The following CSF1R variants were observed in gnomAD, a reference collection of about 807,000 sequenced individuals.
The protein encoded by CSF1R is colony stimulating factor 1 receptor, also known as macrophage colony-stimulating factor 1 receptor.
In CSF1R, 40 loss-of-function variants were observed where a neutral mutation model predicts 110.0. That is an observed-to-expected ratio of 0.36 (90% confidence interval 0.28 to 0.47). The LOEUF is 0.47. Among genes scored for constraint, CSF1R ranks in the 20% least tolerant of loss-of-function variants. The probability of loss-of-function intolerance (pLI) is 0.99; values close to 1 mark genes in which losing one functional copy is unlikely to be tolerated. For missense variants in CSF1R, 1,052 were observed against 1,253.0 expected (o/e 0.84, Z 2.42); for synonymous variants, 523 against 503.4 (o/e 1.04, Z -0.52).
intron 1 of CSF1R, among the ~76,000 whole-genome samples, chr5:150,101,207 A>G (rs554560849): frequency 1.3e-5 from 2 of 152,340 alleles, no homozygotes; most frequent in South Asian, 4.1e-4. Flanking sequence ...GAGGCATTGC[A>G]TGTTTCTCCT....
chr5:150,084,287 T>A (rs1297012900), intron 1 of CSF1R, among the ~76,000 whole-genome samples: 1 of 148,328 alleles, frequency 6.7e-6, no homozygotes, highest in African/African-American at 2.5e-5. Flanking sequence ...CCGAGATCCA[T>A]GCCATTGCAC....
upstream of CSF1R, among the ~76,000 whole-genome samples, chr5:150,088,529 T>TTTTC (rs1359858581): frequency 1.3e-5 from 2 of 151,930 alleles, no homozygotes; most frequent in Non-Finnish European, 2.9e-5. Context: ...CTTTTTTTTT[T>TTTTC]TTTCTTTCTT....
At chr5:150,110,453 G>A (rs910578219) in intron 1 of CSF1R, among the ~76,000 whole-genome samples, 1 of 152,144 alleles carries the variant, frequency 6.6e-6, no homozygotes, top group Non-Finnish European at 1.5e-5. Flanking sequence ...CAAGCATTTT[G>A]CATTTCTGAC....
chr5:150,072,248 C>A (rs566588238), intron 6 of CSF1R, among the ~76,000 whole-genome samples: 1 of 152,176 alleles, frequency 6.6e-6, no homozygotes, highest in Non-Finnish European at 1.5e-5. Context: ...AATCCTAGCA[C>A]CTTGGGAGGC....
chr5:150,058,728 CCTT>C (rs747697751), intron 14 of CSF1R, among the ~76,000 whole-genome samples: 1 of 151,836 alleles, frequency 6.6e-6, no homozygotes, highest in South Asian at 2.1e-4. Context: ...GAGATGGCCT[CCTT>C]CTCTTTTGCC....
At chr5:150,074,245 C>T (rs753331722) in intron 5 of CSF1R, among the ~76,000 whole-genome samples, 2 of 150,976 alleles carry the variant, frequency 1.3e-5, no homozygotes, top group Non-Finnish European at 2.9e-5. Context: ...GAAAAAAATC[C>T]TTTTAATTAG....
intron 1 of CSF1R, among the ~76,000 whole-genome samples, chr5:150,095,763 GA>G (rs57813822): frequency 0.14 from 17,416 of 121,592 alleles, 1,565 homozygotes; most frequent in East Asian, 0.33. Context: ...CATTTACCGA[GA>G]AAAAAAAAAA....
chr5:150,069,168 C>T (rs1757919320), intron 9 of CSF1R, among the ~76,000 whole-genome samples: 1 of 152,210 alleles, frequency 6.6e-6, no homozygotes, highest in Admixed American at 6.5e-5. Flanking sequence ...TGCTCCAAGG[C>T]CAGCAGCTGG....
chr5:150,070,755 C>T (rs887294934), intron 6 of CSF1R, among the ~76,000 whole-genome samples, 184 bp from the exon 7 acceptor site: 2 of 152,242 alleles, frequency 1.3e-5, no homozygotes, highest in African/African-American at 4.8e-5. Context: ...AACCACCAAT[C>T]CCATTTCCTT....
Position 150,061,760 on chromosome 5 carries a change from G to C in CSF1R, c.1716C>G (p.Asn572Lys), listed in dbSNP as rs772750557. The change falls in exon 11 of 21, where the codon AAC becomes AAG. Residue 572 changes from asparagine to lysine, a missense_variant. Around this residue, in one of 5 missense-constraint regions of CSF1R, gnomAD observed 693 missense variants for 735.4 expected, o/e 0.94. Transcript: ENST00000675795. ...TFIDPTQLPY[N>K]EKWEFPRNNL... ...TGTTCCGGGGGAACTCCCACTTCTCGTTGTAAGGCAGCTGCGTGGGGTCGA... is the reference window on the plus strand; with the variant it reads ...TGTTCCGGGGGAACTCCCACTTCTCCTTGTAAGGCAGCTGCGTGGGGTCGA... 1 of 1,614,208 alleles carries C rather than the reference G, an allele frequency of 6.2e-7. No homozygotes were observed. Among genetic ancestry groups the C allele is most frequent in the Admixed American group, 1.7e-5 (1 of 60,024 alleles).
intron 10 of CSF1R, among the ~76,000 whole-genome samples, chr5:150,063,770 A>G (rs945390851): frequency 6.6e-6 from 1 of 152,126 alleles, no homozygotes. Context: ...TTGAGGGGGA[A>G]AGTGGAAGCT....
At chr5:150,057,987 C>T (rs1376969701) in intron 14 of CSF1R, among the ~76,000 whole-genome samples, 1 of 152,172 alleles carries the variant, frequency 6.6e-6, no homozygotes, top group Non-Finnish European at 1.5e-5. Flanking sequence ...GTGCCTCACA[C>T]CCCTGGCTTC....
At chr5:150,076,729 T>C (rs531511535) in intron 5 of CSF1R, among the ~76,000 whole-genome samples, 1 of 152,344 alleles carries the variant, frequency 6.6e-6, no homozygotes, top group Admixed American at 6.5e-5. Context: ...CCAAATGATC[T>C]ATGTTCTCTT....
chr5:150,078,581 A>G (rs1758387480), intron 3 of CSF1R, among the ~76,000 whole-genome samples: 1 of 152,184 alleles, frequency 6.6e-6, no homozygotes, highest in South Asian at 2.1e-4. Context: ...GACCTCTTAC[A>G]AATATAAATG....
In CSF1R at chr5:150,094,797, C is replaced by A. The variant is rs574798842; in HGVS notation, c.-180-8190G>T. On this transcript the variant is annotated intron_variant, in intron 1 of 21. Transcript: ENST00000286301. ...TGGTTATGGCAAAATCAATAAGAAG[C>A]GAATTGCTTTGACAGATAACGCTTT... 197 of 1,491,316 alleles carry A rather than the reference C, an allele frequency of 1.3e-4. 1 individual carries two copies. The East Asian group carries it at 4.2e-3, about 32-fold the overall frequency. 92.4% of individuals were successfully genotyped at this position (1,491,316 alleles called of 1,614,324 possible).
chr5:150,112,036 T>C (rs771618760), intron 1 of CSF1R, among the ~76,000 whole-genome samples: 1 of 152,312 alleles, frequency 6.6e-6, no homozygotes, highest in Admixed American at 6.5e-5. Context: ...GTGTAGTCAA[T>C]AGTAGCCAAT....
chr5:150,078,095 G>C lies in CSF1R; in HGVS notation c.729+17C>G. Reference sequence around the variant, plus strand: ...GGAGGATGGCCAGACTTCACCTTGTGATCTGCAGGGACTGACCTTGGTGTT... The same window carrying C: ...GGAGGATGGCCAGACTTCACCTTGTCATCTGCAGGGACTGACCTTGGTGTT... On this transcript the variant is annotated intron_variant, in intron 4 of 20. Coordinates refer to ENST00000675795, the MANE Select transcript of CSF1R (RefSeq NM_001288705.3). The C allele has an allele frequency of 6.2e-7, 1 of 1,613,876 alleles. No homozygotes were observed.
rs200198947 is a variant in CSF1R, at chr5:150,060,842, A to G, written c.1969+20T>C. 5 of 1,558,042 alleles carry G rather than the reference A, an allele frequency of 3.2e-6. No individual in the cohort carries two copies. The highest frequency in any genetic ancestry group is 4.4e-6 in the Non-Finnish European group (5 of 1,138,918). On this transcript the variant is annotated intron_variant, in intron 13 of 20. Coordinates refer to ENST00000675795, the MANE Select transcript of CSF1R (RefSeq NM_001288705.3). ...CCAGAGGCCCCAAGACCTTGGCCCC[A>G]GGAACCCCAAGGCCCTTACCTCCAT...
intron 1 of CSF1R, among the ~76,000 whole-genome samples, chr5:150,108,462 G>A (rs150012951): frequency 1.3e-5 from 2 of 152,218 alleles, no homozygotes; most frequent in East Asian, 3.9e-4. Flanking sequence ...ATCAGGGAGG[G>A]CCTTAAAGAT....
Sources: gnomAD v4.1 joint callset for allele counts (sites outside exome capture counted in the v4.1 genomes callset) on GRCh38, gnomAD v4.1.1 for gene constraint, gnomAD v4.1.1 regional missense constraint, MANE v1.5 for transcripts, NCBI Gene and HGNC (gene_info 2026-07-23, HGNC 2026-07-21) for gene names.